Variants in PAM observed in about 807,000 individuals in gnomAD.
The protein encoded by PAM is peptidylglycine alpha-amidating monooxygenase.
A neutral mutation model predicts 122.1 loss-of-function variants in PAM; 72 were observed. The ratio of observed to expected loss-of-function variants is 0.59; its 90% CI spans 0.49 to 0.72. The LOEUF (loss-of-function observed/expected upper bound fraction) is 0.72. Among genes scored for constraint, PAM ranks in the 30% least tolerant of loss-of-function variants. The pLI, the probability that PAM is intolerant of heterozygous loss-of-function variation, is 0.00. For synonymous variants in PAM, 389 were observed against 404.4 expected (o/e 0.96, Z 0.46); for missense variants, 1,106 against 1,183.7 (o/e 0.93, Z 0.96).
chr5:102,928,800 A>G (rs1004518515), intron 7 of PAM, among the ~76,000 whole-genome samples: 4 of 152,170 alleles, frequency 2.6e-5, no homozygotes, highest in African/African-American at 7.2e-5. Context: ...CATTTCATGT[A>G]TGTTTAATAT....
intron 15 of PAM, among the ~76,000 whole-genome samples, chr5:102,984,737 CAG>C (rs1771162492): frequency 1.3e-5 from 2 of 152,092 alleles, no homozygotes; most frequent in Admixed American, 1.3e-4. Flanking sequence ...ATTGGCCTAA[CAG>C]ACATTTACAG....
At chr5:102,996,966 G>T (rs1775881813) in intron 16 of PAM, among the ~76,000 whole-genome samples, 1 of 152,150 alleles carries the variant, frequency 6.6e-6, no homozygotes, top group African/African-American at 2.4e-5. Context: ...AGGGGTGGTA[G>T]TTAAATGAAC....
chr5:102,921,793 AAT>A (rs982426739), intron 5 of PAM, among the ~76,000 whole-genome samples: 37 of 152,148 alleles, frequency 2.4e-4, no homozygotes, highest in African/African-American at 8.7e-4. Context: ...ATCTCCACAT[AAT>A]ATCATTCTCT....
intron 1 of PAM, among the ~76,000 whole-genome samples, chr5:102,782,264 G>A (rs893914428): frequency 6.6e-6 from 1 of 152,148 alleles, no homozygotes; most frequent in East Asian, 1.9e-4. Context: ...GTCCATATCT[G>A]AAGCACTTAA....
intron 1 of PAM, among the ~76,000 whole-genome samples, chr5:102,859,009 A>C (rs1783365718): frequency 6.6e-6 from 1 of 151,590 alleles, no homozygotes. Flanking sequence ...TAACAAACCT[A>C]CTGCCCTACC....
chr5:102,998,355 G>A (rs909968317), intron 16 of PAM, among the ~76,000 whole-genome samples: 1 of 152,174 alleles, frequency 6.6e-6, no homozygotes, highest in African/African-American at 2.4e-5. Context: ...TCATTCTGCA[G>A]AGAGGGGAAG....
chr5:102,755,169 A>AGCGGCGGACCCGGCTGGGC (rs1380063648), upstream of PAM: 1 of 152,116 alleles, frequency 6.6e-6, no homozygotes, highest in African/African-American at 2.4e-5. Flanking sequence ...GTCGAGGGCG[A>AGCGGCGGACCCGGCTGGGC]GCGGCGGACC....
At position 103,007,424 on chromosome 5, in the gene PAM, A is replaced by C. The variant is rs191114008; in HGVS notation, c.2015-33A>C. The C allele has an allele frequency of 1.9e-5, 30 of 1,582,420 alleles. No homozygotes were observed. In the African/African-American group the frequency reaches 3.6e-4, roughly 19 times the overall value. ...AGTCAAACTTTGGGTGATTTTTAACATTGTGTATCTAAGGCTTTTTTTTGT... is the reference window on the plus strand; with the variant it reads ...AGTCAAACTTTGGGTGATTTTTAACCTTGTGTATCTAAGGCTTTTTTTTGT... On this transcript the variant is annotated intron_variant, in intron 19 of 25. Coordinates refer to ENST00000438793, the MANE Select transcript of PAM (RefSeq NM_001177306.2).
intron 21 of PAM, among the ~76,000 whole-genome samples, chr5:103,011,655 A>AT (rs1338983413): frequency 6.6e-6 from 1 of 152,016 alleles, no homozygotes; most frequent in Non-Finnish European, 1.5e-5. Flanking sequence ...TTCTTTATCC[A>AT]TTTATCTGTT....
intron 16 of PAM, among the ~76,000 whole-genome samples, chr5:102,999,830 C>T (rs956083239): frequency 1.3e-5 from 2 of 152,196 alleles, no homozygotes; most frequent in African/African-American, 4.8e-5. Flanking sequence ...AGCAGCAAGG[C>T]CCTAGGCCTA....
chr5:102,931,805 A>ACTCTCTCTCT (rs879417466), intron 7 of PAM, among the ~76,000 whole-genome samples: 132 of 140,380 alleles, frequency 9.4e-4, no homozygotes, highest in African/African-American at 3.1e-3. Context: ...AACAAACAAC[A>ACTCTCTCTCT]CACTCTCTCT....
chr5:102,944,574 T>C (rs985080778), intron 7 of PAM, among the ~76,000 whole-genome samples: 5 of 152,138 alleles, frequency 3.3e-5, no homozygotes, highest in African/African-American at 1.2e-4. Flanking sequence ...CCTCACTGTC[T>C]TTTCTACAAA....
intron 15 of PAM, among the ~76,000 whole-genome samples, chr5:102,986,304 G>A (rs540576484): frequency 2.0e-5 from 3 of 152,124 alleles, no homozygotes; most frequent in Admixed American, 1.3e-4. Context: ...GTCCCTCTTT[G>A]TAGATGACGT....
chr5:102,995,682 T>C (rs1775498187), intron 16 of PAM, among the ~76,000 whole-genome samples: 2 of 152,148 alleles, frequency 1.3e-5, no homozygotes, highest in African/African-American at 4.8e-5. Flanking sequence ...CCTGGATGTA[T>C]GATACCTAGT....
Position 102,893,976 on chromosome 5 carries a change from G to A in PAM, c.211-7380G>A, listed in dbSNP as rs559515451. ...TTTTATTGTTTGTTTTTCCCTTGATGTTTTGTCTTTCCTGTTTCTCAATCT... is the reference window on the plus strand; with the variant it reads ...TTTTATTGTTTGTTTTTCCCTTGATATTTTGTCTTTCCTGTTTCTCAATCT... On this transcript the variant is annotated intron_variant, in intron 3 of 25. Transcript: ENST00000438793. Among the ~76,000 whole-genome samples the A allele has an allele frequency of 5.9e-5, 9 of 151,662 alleles. No individual in the cohort carries two copies. The South Asian group carries it at 1.9e-3, about 31-fold the overall frequency.
chr5:102,788,386 C>T (rs1761136422), intron 1 of PAM, among the ~76,000 whole-genome samples: 1 of 151,994 alleles, frequency 6.6e-6, no homozygotes, highest in Non-Finnish European at 1.5e-5. Context: ...CTTTGTCATG[C>T]CACTGGTGTC....
At chr5:103,019,934 G>A in intron 23 of PAM, 91 bp downstream of exon 23, 1 of 820,762 alleles carries the variant, frequency 1.2e-6, no homozygotes, top group Non-Finnish European at 2.2e-6. Flanking sequence ...AAAATTACCA[G>A]GCTAAAAATA....
At chr5:102,966,561 A>C (rs567287851) in intron 14 of PAM, among the ~76,000 whole-genome samples, 1 of 152,274 alleles carries the variant, frequency 6.6e-6, no homozygotes, top group East Asian at 1.9e-4. Context: ...CTAGAGAATA[A>C]ATATTGTGGG....
intron 3 of PAM, chr5:102,873,262 C>G (rs569587712): frequency 6.6e-5 from 10 of 152,280 alleles, no homozygotes; most frequent in African/African-American, 2.2e-4. Flanking sequence ...GGAGACACCC[C>G]ACACCACCAT....
Sources: gnomAD v4.1 joint callset for allele counts (sites outside exome capture counted in the v4.1 genomes callset) on GRCh38, gnomAD v4.1.1 for gene constraint, MANE v1.5 for transcripts, NCBI Gene and HGNC (gene_info 2026-07-23, HGNC 2026-07-21) for gene names.